Variants in RYR3 observed in about 807,000 individuals in gnomAD.
The protein encoded by RYR3 is brain ryanodine receptor-calcium release channel.
RYR3 carries 207 observed loss-of-function variants against 584.3 expected under a neutral mutation model. The ratio of observed to expected loss-of-function variants is 0.35; its 90% CI spans 0.32 to 0.40. The LOEUF (loss-of-function observed/expected upper bound fraction) is 0.40, where lower values mean the gene tolerates loss of function less well. RYR3 is among the 10% of genes least tolerant of loss of function. The probability of loss-of-function intolerance (pLI) is 1.00; values close to 1 mark genes in which losing one functional copy is unlikely to be tolerated. For synonymous variants in RYR3, 2,416 were observed against 2,248.5 expected, an observed-to-expected ratio of 1.07 and a Z score of -2.11; for missense variants, 5,616 against 6,089.2, an observed-to-expected ratio of 0.92 and a Z score of 2.59.
At chr15:33,684,642 A>G (rs952534045) in intron 38 of RYR3, among the ~76,000 whole-genome samples, 11 of 152,204 alleles carry the variant, frequency 7.2e-5, no homozygotes, top group Non-Finnish European at 8.8e-5. Flanking sequence ...CCCAAGACAC[A>G]TAATCATCAG....
intron 28 of RYR3, among the ~76,000 whole-genome samples, chr15:33,645,070 T>A (rs1039326787): frequency 2.6e-5 from 4 of 152,152 alleles, no homozygotes; most frequent in Non-Finnish European, 5.9e-5. Flanking sequence ...TATTCAAGAT[T>A]ATATATACTG....
At chr15:33,563,679 T>C (rs898954694) in intron 11 of RYR3, among the ~76,000 whole-genome samples, 1 of 152,174 alleles carries the variant, frequency 6.6e-6, no homozygotes, top group African/African-American at 2.4e-5. Context: ...AGTCAACTAG[T>C]CCCAGAATAA....
chr15:33,385,213 A>G (rs1423652482), intron 1 of RYR3, among the ~76,000 whole-genome samples: 2 of 151,748 alleles, frequency 1.3e-5, no homozygotes, highest in African/African-American at 4.8e-5. Flanking sequence ...ATTAGTTAAT[A>G]AGTGTTTATT....
At chr15:33,556,457 CA>C (rs1448957218) in intron 10 of RYR3, among the ~76,000 whole-genome samples, 2 of 152,184 alleles carry the variant, frequency 1.3e-5, no homozygotes, top group Admixed American at 6.5e-5. Flanking sequence ...AGGAAATAAA[CA>C]AAATGCTGCA....
chr15:33,718,090 G>A (rs2067635331), intron 43 of RYR3, among the ~76,000 whole-genome samples: 2 of 152,194 alleles, frequency 1.3e-5, no homozygotes, highest in Admixed American at 6.5e-5. Context: ...CCCTGCCCCT[G>A]TGATTCTCTA....
chr15:33,491,900 G>A (rs1390690506), intron 2 of RYR3, among the ~76,000 whole-genome samples: 1 of 152,172 alleles, frequency 6.6e-6, no homozygotes, highest in Non-Finnish European at 1.5e-5. Context: ...AGATGTCAAT[G>A]ACTTCAACCA....
chr15:33,554,013 T>C (rs1157759377), intron 10 of RYR3, among the ~76,000 whole-genome samples: 1 of 152,216 alleles, frequency 6.6e-6, no homozygotes, highest in Admixed American at 6.5e-5. Flanking sequence ...TGAACGCCTT[T>C]TGCCCCTCTG....
chr15:33,805,178 C>CT (rs2076117516), intron 69 of RYR3, among the ~76,000 whole-genome samples: 1 of 152,094 alleles, frequency 6.6e-6, no homozygotes, highest in Admixed American at 6.5e-5. Context: ...CAGCAGCTTC[C>CT]TCAGAAGGGA....
At chr15:33,363,671 A>G (rs1975078990) in intron 1 of RYR3, among the ~76,000 whole-genome samples, 1 of 152,330 alleles carries the variant, frequency 6.6e-6, no homozygotes, top group Non-Finnish European at 1.5e-5. Flanking sequence ...CAGGTTGCCA[A>G]TCATGAGATG....
intron 67 of RYR3, among the ~76,000 whole-genome samples, chr15:33,794,105 A>AATATAATATACATAAATATATATTTAT (rs1310590769): frequency 3.2e-4 from 9 of 28,390 alleles, no homozygotes; most frequent in Non-Finnish European, 3.5e-4. Flanking sequence ...ATATTATATA[A>AATATAATATACATAAATATATATTTAT]ATATAATATA....
chr15:33,554,918 A>G (rs2056966953), intron 10 of RYR3, among the ~76,000 whole-genome samples: 1 of 152,158 alleles, frequency 6.6e-6, no homozygotes, highest in Admixed American at 6.5e-5. Context: ...CAGGCCATAT[A>G]TATAGCCGCT....
At chr15:33,456,128 TCTC>T (rs1201730715) in intron 1 of RYR3, among the ~76,000 whole-genome samples, 3 of 152,170 alleles carry the variant, frequency 2.0e-5, no homozygotes, top group Admixed American at 6.5e-5. Context: ...CTCATTTCGA[TCTC>T]CTCTGCTATG....
rs931465738 is a variant in RYR3 at position 33,721,193 on chromosome 15, A to G, written c.6620-1522A>G. Among the ~76,000 whole-genome samples, 14 of 152,176 alleles carry G rather than the reference A, an allele frequency of 9.2e-5. 1 individual carries two copies. The highest frequency in any genetic ancestry group is 2.6e-4 in the Admixed American group (4 of 15,274). ...ATCATGAGAACACTCAAGCAGCCCT[A>G]TGGGGAGGTCAACATGGTGAGAAAC... On this transcript the variant is annotated intron_variant, in intron 43 of 103. Transcript: ENST00000634891.
intron 1 of RYR3, among the ~76,000 whole-genome samples, chr15:33,350,391 A>G (rs2140921698): frequency 6.6e-6 from 1 of 152,284 alleles, no homozygotes; most frequent in South Asian, 2.1e-4. Flanking sequence ...AATTGAACTC[A>G]GCTCTGCACC....
chr15:33,452,738 G>A (rs2047231921), intron 1 of RYR3, among the ~76,000 whole-genome samples: 1 of 152,288 alleles, frequency 6.6e-6, no homozygotes, highest in East Asian at 1.9e-4. Flanking sequence ...GTTACATGGT[G>A]AGGTTCAGGG....
At chr15:33,606,381 G>A (rs1384175418) in intron 18 of RYR3, among the ~76,000 whole-genome samples, 1 of 152,190 alleles carries the variant, frequency 6.6e-6, no homozygotes, top group East Asian at 1.9e-4. Context: ...TCAAGACCAT[G>A]AGAATAGCCC....
At position 33,539,471 on chromosome 15, in the gene RYR3, C is replaced by G; in HGVS notation, c.546+9C>G. Reference sequence around the variant, plus strand: ...CCTCTGAAAGATACCTTGTAAGTACCTCATAATATAAGAGTCTTCTGTTTT... The same window carrying G: ...CCTCTGAAAGATACCTTGTAAGTACGTCATAATATAAGAGTCTTCTGTTTT... On this transcript the variant is annotated intron_variant, in intron 6 of 103. Coordinates refer to ENST00000634891, the MANE Select transcript of RYR3 (RefSeq NM_001036.6). The G allele has an allele frequency of 6.6e-7, 1 of 1,520,312 alleles. No individual in the cohort carries two copies. Among genetic ancestry groups the G allele is most frequent in the Non-Finnish European group, 9.0e-7 (1 of 1,108,576 alleles). The allele number at this position is 1,520,312 out of a possible 1,614,324, so 94.2% of individuals were successfully genotyped here.
intron 18 of RYR3, among the ~76,000 whole-genome samples, chr15:33,605,578 A>G (rs536668750): frequency 1.3e-5 from 2 of 152,296 alleles, no homozygotes; most frequent in East Asian, 3.9e-4. Context: ...CCAGCATCTG[A>G]TGAGACATGG....
chr15:33,535,557 A>G (rs1287299637), intron 5 of RYR3, among the ~76,000 whole-genome samples: 3 of 152,200 alleles, frequency 2.0e-5, no homozygotes, highest in Non-Finnish European at 4.4e-5. Flanking sequence ...CTGAATATAC[A>G]CTTCTTTCTA....
Sources: gnomAD v4.1 joint callset for allele counts (sites outside exome capture counted in the v4.1 genomes callset) on GRCh38, gnomAD v4.1.1 for gene constraint, MANE v1.5 for transcripts, NCBI Gene and HGNC (gene_info 2026-07-23, HGNC 2026-07-21) for gene names.